Variants in MYO18B observed in about 807,000 individuals in gnomAD.
MYO18B encodes the protein myosin XVIIIB, also known as unconventional myosin-XVIIIb.
Under a neutral mutation model 273.0 loss-of-function variants are expected in MYO18B, and 204 were observed. The ratio of observed to expected loss-of-function variants is 0.75; its 90% CI spans 0.67 to 0.84. The LOEUF (loss-of-function observed/expected upper bound fraction) is 0.84, where lower values mean the gene tolerates loss of function less well. MYO18B is among the 40% of genes least tolerant of loss of function. The pLI is 0.00. For synonymous variants in MYO18B, 1,330 were observed against 1,305.7 expected (o/e 1.02, Z -0.40); for missense variants, 3,212 against 3,287.6 (o/e 0.98, Z 0.56).
chr22:26,023,375 G>T lies in MYO18B; in HGVS notation c.6471-3070G>T, dbSNP rs138597042. On this transcript the variant is annotated intron_variant, in intron 42 of 43. Coordinates refer to ENST00000335473, the MANE Select transcript of MYO18B (RefSeq NM_032608.7). ...CAGTTCCGGAGGTGCAGAAATGAGA[G>T]TCAGCAAGACACTGTCAGTTCAGAC... Among the ~76,000 whole-genome samples the T allele has an allele frequency of 5.5e-3, 843 of 152,296 alleles. 10 individuals are homozygous for T. Among genetic ancestry groups the T allele is most frequent in the African/African-American group, 0.019 (782 of 41,552 alleles).
intron 1 of MYO18B, among the ~76,000 whole-genome samples, chr22:25,757,596 A>G (rs2086165613): frequency 1.3e-5 from 2 of 152,022 alleles, no homozygotes; most frequent in South Asian, 4.2e-4. Context: ...CAAAAAAAAA[A>G]AAGCCAACAA....
Position 25,768,535 on chromosome 22 carries a change from G to A in MYO18B, c.619G>A (p.Glu207Lys), listed in dbSNP as rs1196149636. Reference protein sequence around the residue: ...RTPCGSQASTEILAPKAEKTR... With the variant: ...RTPCGSQASTKILAPKAEKTR... ...TCCTTGTGGCTCCCAGGCCAGCACC[G>A]AGATCTTGGCCCCGAAAGCTGAGAA... The change falls in exon 4 of 44, where the codon GAG becomes AAG. Residue 207 changes from glutamate (E) to lysine (K), a missense_variant. Physicochemically the swap from Glu to Lys is moderately conservative, Grantham distance 56. Transcript: ENST00000335473. 76 of 1,553,966 alleles carry A rather than the reference G, an allele frequency of 4.9e-5. 1 individual carries two copies. In the Admixed American group the frequency reaches 1.1e-3, roughly 22 times the overall value.
chr22:25,911,674 C>T (rs1261437253), intron 33 of MYO18B, among the ~76,000 whole-genome samples: 1 of 152,210 alleles, frequency 6.6e-6, no homozygotes, highest in Non-Finnish European at 1.5e-5. Flanking sequence ...GCATCCCTGA[C>T]CTCTACCCAC....
intron 8 of MYO18B, among the ~76,000 whole-genome samples, chr22:25,778,531 G>C (rs908365443): frequency 6.6e-6 from 1 of 152,110 alleles, no homozygotes; most frequent in African/African-American, 2.4e-5. Flanking sequence ...CCAGGCTGGA[G>C]TGCAGTGGTG....
the MYO18B span, among the ~76,000 whole-genome samples, chr22:26,058,624 G>C: frequency 6.6e-6 from 1 of 152,264 alleles, no homozygotes; most frequent in Middle Eastern, 3.4e-3. Flanking sequence ...GCTTTGCGCT[G>C]TCCTCATGGT....
At chr22:25,857,556 C>G (rs1021519124) in intron 21 of MYO18B, among the ~76,000 whole-genome samples, 7 of 152,248 alleles carry the variant, frequency 4.6e-5, no homozygotes, top group Non-Finnish European at 7.3e-5. Context: ...TCTCTAGGTG[C>G]TGAATAATTA....
At chr22:25,907,863 C>T (rs915453107) in intron 31 of MYO18B, among the ~76,000 whole-genome samples, 2 of 151,972 alleles carry the variant, frequency 1.3e-5, no homozygotes, top group African/African-American at 2.4e-5. Flanking sequence ...GGAGAAACTC[C>T]GTTTCTACTA....
At chr22:25,823,711 GC>G in intron 13 of MYO18B, 33 bp downstream of exon 13, 1 of 1,610,414 alleles carries the variant, frequency 6.2e-7, no homozygotes, top group Non-Finnish European at 8.5e-7. Context: ...GGTGAGCTGG[GC>G]CCCCCTCTGG....
At chr22:25,966,447 C>T (rs1601709764) in intron 39 of MYO18B, among the ~76,000 whole-genome samples, 1 of 152,150 alleles carries the variant, frequency 6.6e-6, no homozygotes, top group East Asian at 1.9e-4. Flanking sequence ...ATTATTCTGG[C>T]TGGGAACTGA....
chr22:25,954,814 C>CA (rs2092829986), intron 38 of MYO18B, among the ~76,000 whole-genome samples: 1 of 152,098 alleles, frequency 6.6e-6, no homozygotes, highest in African/African-American at 2.4e-5. Context: ...CAGGTTCAGG[C>CA]AATTCTCATG....
chr22:25,979,369 G>A (rs928899313), intron 39 of MYO18B, among the ~76,000 whole-genome samples: 1 of 152,166 alleles, frequency 6.6e-6, no homozygotes, highest in African/African-American at 2.4e-5. Flanking sequence ...TTATTCCCCT[G>A]TCAGGAAAAT....
At position 25,955,320 on chromosome 22, in the gene MYO18B, C is replaced by A; in HGVS notation, c.6112C>A (p.Leu2038Met). The change falls in exon 39 of 44, where the codon CTG becomes ATG. Residue 2038 changes from leucine (L) to methionine (M), a missense_variant. Physicochemically the swap from Leu to Met is conservative, Grantham distance 15. Coordinates refer to ENST00000335473, the MANE Select transcript of MYO18B (RefSeq NM_032608.7). Reference sequence around the variant, plus strand: ...AGAGCTGAAGGCCGACATGGAAGAGCTGGTGCAGCGGGAGGCAGAGGCCAG... The same window carrying A: ...AGAGCTGAAGGCCGACATGGAAGAGATGGTGCAGCGGGAGGCAGAGGCCAG... ...LEELKADMEE[L>M]VQREAEASRR... 1 of 1,613,716 alleles carries A rather than the reference C, an allele frequency of 6.2e-7. No homozygotes were observed. The highest frequency in any genetic ancestry group is 8.5e-7 in the Non-Finnish European group (1 of 1,179,776).
chr22:25,947,530 A>T (rs924058505), intron 35 of MYO18B, among the ~76,000 whole-genome samples, 182 bp from the exon 36 acceptor site: 2 of 143,262 alleles, frequency 1.4e-5, no homozygotes, highest in African/African-American at 5.7e-5. Flanking sequence ...ACACACACAC[A>T]CACACACACA....
intron 40 of MYO18B, among the ~76,000 whole-genome samples, chr22:26,002,999 A>G (rs1296639930): frequency 6.6e-6 from 1 of 152,148 alleles, no homozygotes; most frequent in Admixed American, 6.5e-5. Flanking sequence ...CTACCACTTA[A>G]TTAGCACTAT....
chr22:25,867,643 T>TTTCTTTCTTTC (rs2090927534), intron 21 of MYO18B, among the ~76,000 whole-genome samples: 1 of 61,056 alleles, frequency 1.6e-5, no homozygotes, highest in African/African-American at 6.8e-5. Flanking sequence ...TTCTTTCTTT[T>TTTCTTTCTTTC]TTTTGAGACG....
At chr22:25,833,987 T>C (rs2089807182) in intron 16 of MYO18B, among the ~76,000 whole-genome samples, 1 of 152,130 alleles carries the variant, frequency 6.6e-6, no homozygotes, top group South Asian at 2.1e-4. Flanking sequence ...GTTCTTCTGG[T>C]TGGCATCTGT....
chr22:26,060,848 CATATACAT>C, the MYO18B span, among the ~76,000 whole-genome samples: 1 of 115,260 alleles, frequency 8.7e-6, no homozygotes, highest in Non-Finnish European at 1.6e-5. Context: ...ACAATATACA[CATATACAT>C]ATATACACAA....
In MYO18B at chr22:25,847,435, G is replaced by A. The variant is rs751761773; in HGVS notation, c.3558G>A (p.Ala1186=). ...CCTCCCTCTATTTGGTCTAGGATGCGCTGACCAGCATGATCAAAAGGTCCC... is the reference window on the plus strand; with the variant it reads ...CCTCCCTCTATTTGGTCTAGGATGCACTGACCAGCATGATCAAAAGGTCCC... The part of the protein sequence containing the change: ...PCSQIKLQMD[A]LTSMIKRSRL... Residue 1186 remains alanine (A), a synonymous_variant, in exon 20 of 44, where the codon GCG becomes GCA. Transcript: ENST00000335473. 9.6e-6 allele frequency: 15 copies of A among 1,566,444 alleles called. No individual in the cohort carries two copies. Among genetic ancestry groups the A allele is most frequent in the East Asian group, 2.4e-5 (1 of 42,030 alleles).
chr22:25,858,635 G>T (rs1216398368), intron 21 of MYO18B, among the ~76,000 whole-genome samples: 3 of 151,894 alleles, frequency 2.0e-5, no homozygotes, highest in Admixed American at 1.3e-4. Flanking sequence ...AACTCTGTAA[G>T]TGGGGGCTGT....
Sources: gnomAD v4.1 joint callset for allele counts (sites outside exome capture counted in the v4.1 genomes callset) on GRCh38, gnomAD v4.1.1 for gene constraint, MANE v1.5 for transcripts, NCBI Gene and HGNC (gene_info 2026-07-23, HGNC 2026-07-21) for gene names.